GRM7: variants seen among roughly 807,000 people sequenced by gnomAD.
The protein encoded by GRM7 is metabotropic glutamate receptor 7.
In GRM7, 35 loss-of-function variants were observed where a neutral mutation model predicts 84.5. The observed-to-expected ratio is 0.41, with a 90% confidence interval of 0.32 to 0.55. GRM7 has a LOEUF of 0.55. Ranked by LOEUF, GRM7 falls within the 20% of genes least tolerant of loss-of-function variation. The probability of loss-of-function intolerance (pLI) is 0.19; values close to 1 mark genes in which losing one functional copy is unlikely to be tolerated. For missense variants in GRM7, 1,003 were observed against 1,194.6 expected, an observed-to-expected ratio of 0.84 and a Z score of 2.36; for synonymous variants, 487 against 455.1, an observed-to-expected ratio of 1.07 and a Z score of -0.89.
At chr3:7,440,719 C>A (rs1160670337) in intron 5 of GRM7, among the ~76,000 whole-genome samples, 3 of 152,108 alleles carry the variant, frequency 2.0e-5, no homozygotes, top group Non-Finnish European at 2.9e-5. Context: ...ATGTGTAGCT[C>A]CCCCTTATAA....
chr3:7,487,476 T>A (rs1451310925), intron 7 of GRM7, among the ~76,000 whole-genome samples: 2 of 151,974 alleles, frequency 1.3e-5, no homozygotes, highest in Non-Finnish European at 1.5e-5. Flanking sequence ...AGGGGACAGG[T>A]TTGGAATGTT....
intron 2 of GRM7, among the ~76,000 whole-genome samples, chr3:7,221,804 A>ATTTTTTTT (rs540956206): frequency 7.6e-4 from 74 of 97,362 alleles, no homozygotes; most frequent in Middle Eastern, 7.7e-3. Flanking sequence ...AATTTCTTGT[A>ATTTTTTTT]TTTTTTTTTT....
At chr3:7,510,932 A>G (rs192540276) in intron 7 of GRM7, among the ~76,000 whole-genome samples, 3 of 152,240 alleles carry the variant, frequency 2.0e-5, no homozygotes, top group African/African-American at 7.2e-5. Flanking sequence ...AGTCTAAAAT[A>G]TTTACTCCCA....
chr3:7,314,111 C>T (rs2125045038), intron 4 of GRM7, among the ~76,000 whole-genome samples: 1 of 152,216 alleles, frequency 6.6e-6, no homozygotes, highest in South Asian at 2.1e-4. Context: ...TGAATAAGCA[C>T]ATCTGACACT....
intron 8 of GRM7, among the ~76,000 whole-genome samples, chr3:7,639,925 G>C (rs1488397885): frequency 6.6e-6 from 1 of 152,090 alleles, no homozygotes; most frequent in Non-Finnish European, 1.5e-5. Flanking sequence ...GTTTGTGCTT[G>C]AACATCATAT....
At chr3:7,675,652 G>T (rs1700090551) in intron 8 of GRM7, among the ~76,000 whole-genome samples, 1 of 152,146 alleles carries the variant, frequency 6.6e-6, no homozygotes, top group Admixed American at 6.5e-5. Flanking sequence ...TAGAATATTT[G>T]CTGGTACATT....
In GRM7 at chr3:7,153,488, G is replaced by C. The variant is rs768788865; in HGVS notation, c.736+6820G>C. 3.4e-4 allele frequency among the ~76,000 whole-genome samples: 51 copies of C among 152,190 alleles called. 1 individual carries two copies. Among genetic ancestry groups the C allele is most frequent in the Non-Finnish European group, 6.9e-4 (47 of 67,994 alleles). ...TTTGACTTTCAACACTCGATACCCA[G>C]AGCAGTGCCCAACACAGACTAGGTT... On this transcript the variant is annotated intron_variant, in intron 2 of 9. Coordinates refer to ENST00000357716, the MANE Select transcript of GRM7 (RefSeq NM_000844.4).
At chr3:7,481,444 A>T (rs1259107292) in intron 7 of GRM7, among the ~76,000 whole-genome samples, 1 of 152,206 alleles carries the variant, frequency 6.6e-6, no homozygotes, top group South Asian at 2.1e-4. Context: ...AGTTCAATGC[A>T]TCCTTTAATC....
intron 3 of GRM7, among the ~76,000 whole-genome samples, chr3:7,305,909 C>G (rs1281047115): frequency 6.6e-6 from 1 of 152,098 alleles, no homozygotes; most frequent in Non-Finnish European, 1.5e-5. Flanking sequence ...ATAACTTTTT[C>G]ATTAATAGCT....
At chr3:7,654,387 T>A (rs1443933467) in intron 8 of GRM7, among the ~76,000 whole-genome samples, 1 of 152,146 alleles carries the variant, frequency 6.6e-6, no homozygotes, top group Non-Finnish European at 1.5e-5. Context: ...GCTATCTCTA[T>A]AATTAAAGCA....
intron 4 of GRM7, among the ~76,000 whole-genome samples, chr3:7,318,673 T>G (rs762062702): frequency 5.3e-5 from 8 of 152,060 alleles, no homozygotes; most frequent in Non-Finnish European, 1.2e-4. Flanking sequence ...TTAGGCTCAG[T>G]ATATTCCTGA....
intron 8 of GRM7, among the ~76,000 whole-genome samples, chr3:7,663,389 A>G (rs1165500905): frequency 1.3e-5 from 2 of 152,306 alleles, no homozygotes; most frequent in South Asian, 2.1e-4. Flanking sequence ...CATAAACGTA[A>G]GCAAGCTAAA....
chr3:7,496,059 C>T (rs770177730), intron 7 of GRM7, among the ~76,000 whole-genome samples: 13 of 152,178 alleles, frequency 8.5e-5, no homozygotes, highest in South Asian at 2.1e-4. Context: ...ACTCATCCTG[C>T]GTCCCTCTTA....
chr3:7,646,538 G>A (rs2125109966), intron 8 of GRM7, among the ~76,000 whole-genome samples: 1 of 152,196 alleles, frequency 6.6e-6, no homozygotes, highest in Admixed American at 6.5e-5. Flanking sequence ...AGTCCTGTCA[G>A]GTCCAATACT....
chr3:7,091,683 T>C (rs1698668861), intron 1 of GRM7, among the ~76,000 whole-genome samples: 1 of 72,500 alleles, frequency 1.4e-5, no homozygotes, highest in Non-Finnish European at 2.7e-5. Context: ...AACAAATATA[T>C]TTGGAGTAAA....
intron 7 of GRM7, among the ~76,000 whole-genome samples, chr3:7,577,741 T>C (rs868400940): frequency 6.6e-6 from 1 of 152,156 alleles, no homozygotes; most frequent in South Asian, 2.1e-4. Context: ...TATCAAATAC[T>C]TCCTGAATTC....
chr3:7,561,817 A>T (rs1276544812), intron 7 of GRM7, among the ~76,000 whole-genome samples: 1 of 152,138 alleles, frequency 6.6e-6, no homozygotes, highest in East Asian at 1.9e-4. Flanking sequence ...GTCTAATTGA[A>T]TTTTTAAATA....
chr3:6,948,199 TA>T (rs1439373458), intron 1 of GRM7, among the ~76,000 whole-genome samples: 2 of 152,126 alleles, frequency 1.3e-5, no homozygotes, highest in East Asian at 3.9e-4. Context: ...TTTAGTGCTG[TA>T]AATTTCCCTC....
chr3:7,322,892 C>T (rs887137843), intron 4 of GRM7, among the ~76,000 whole-genome samples: 2 of 151,996 alleles, frequency 1.3e-5, no homozygotes, highest in African/African-American at 2.4e-5. Flanking sequence ...GGCGTATGGT[C>T]GTTAGAAATG....
Sources: gnomAD v4.1 joint callset for allele counts (sites outside exome capture counted in the v4.1 genomes callset) on GRCh38, gnomAD v4.1.1 for gene constraint, MANE v1.5 for transcripts, NCBI Gene and HGNC (gene_info 2026-07-23, HGNC 2026-07-21) for gene names.